Variants in ATOSA observed in about 807,000 individuals in gnomAD.
The protein encoded by ATOSA is atos homolog protein A.
chr15:52,665,005 A>G, the ATOSA span, among the ~76,000 whole-genome samples: 4 of 152,128 alleles, frequency 2.6e-5, no homozygotes, highest in African/African-American at 4.8e-5. Context: ...GAAAAAAACT[A>G]TTGTTCAGAA....
the ATOSA span, chr15:52,656,252 A>C: frequency 6.6e-6 from 1 of 152,114 alleles, no homozygotes; most frequent in Non-Finnish European, 1.5e-5. Flanking sequence ...AAATACAGAA[A>C]TTTATCATAT....
chr15:52,646,993 C>T, the ATOSA span, among the ~76,000 whole-genome samples: 1 of 152,106 alleles, frequency 6.6e-6, no homozygotes, highest in East Asian at 1.9e-4. Flanking sequence ...AAAACATATA[C>T]ACCAATGCAA....
the ATOSA span, among the ~76,000 whole-genome samples, chr15:52,612,260 C>T: frequency 9.2e-5 from 14 of 152,140 alleles, no homozygotes; most frequent in African/African-American, 2.4e-4. Flanking sequence ...GCTGGGATTA[C>T]AGGAATGAGC....
At chr15:52,694,124 ATGTG>A in the ATOSA span, among the ~76,000 whole-genome samples, 1 of 150,390 alleles carries the variant, frequency 6.6e-6, no homozygotes, top group Non-Finnish European at 1.5e-5. Flanking sequence ...TCAGCTGAGT[ATGTG>A]TGTGTGTGCG....
At chr15:52,673,277 C>G in the ATOSA span, among the ~76,000 whole-genome samples, 1 of 152,202 alleles carries the variant, frequency 6.6e-6, no homozygotes, top group South Asian at 2.1e-4. Context: ...ACAATACTTA[C>G]CAAATACCTG....
At chr15:52,683,133 C>T in the ATOSA span, among the ~76,000 whole-genome samples, 19 of 152,084 alleles carry the variant, frequency 1.2e-4, no homozygotes, top group Admixed American at 1.0e-3. Context: ...TGGAGGTCTC[C>T]GACCCACCAA....
chr15:52,699,831 G>T, the ATOSA span, among the ~76,000 whole-genome samples: 1 of 152,142 alleles, frequency 6.6e-6, no homozygotes, highest in Admixed American at 6.5e-5. Context: ...AGTGTTTGAG[G>T]AAATCTGAAG....
the ATOSA span, among the ~76,000 whole-genome samples, chr15:52,685,669 A>G: frequency 1.7e-4 from 26 of 151,914 alleles, no homozygotes; most frequent in Admixed American, 1.0e-3. Context: ...GCTGGGCTCA[A>G]GTGATCTGCC....
chr15:52,662,578 G>A, the ATOSA span, among the ~76,000 whole-genome samples: 1 of 152,078 alleles, frequency 6.6e-6, no homozygotes, highest in Non-Finnish European at 1.5e-5. Flanking sequence ...AGACCATCCT[G>A]GCTAACACAG....
the ATOSA span, among the ~76,000 whole-genome samples, chr15:52,698,542 A>G: frequency 1.3e-5 from 2 of 152,260 alleles, no homozygotes; most frequent in African/African-American, 4.8e-5. Context: ...AATATTGCAC[A>G]TTAAAAAATA....
chr15:52,625,378 ATTT>A, the ATOSA span, among the ~76,000 whole-genome samples: 5 of 152,120 alleles, frequency 3.3e-5, no homozygotes, highest in Admixed American at 1.3e-4. Flanking sequence ...GTACACTATT[ATTT>A]TATTATTAGT....
At chr15:52,586,920 T>A in the ATOSA span, 6 of 657,734 alleles carry the variant, frequency 9.1e-6, no homozygotes, top group East Asian at 2.2e-4. Context: ...TTATGCAAAC[T>A]GTCATATGCT....
the ATOSA span, among the ~76,000 whole-genome samples, chr15:52,636,318 C>G: frequency 3.3e-5 from 5 of 151,822 alleles, no homozygotes; most frequent in African/African-American, 9.7e-5. Flanking sequence ...ATTGCACCAC[C>G]CTTTACTCTG....
At chr15:52,612,384 G>A in the ATOSA span, among the ~76,000 whole-genome samples, 1 of 152,154 alleles carries the variant, frequency 6.6e-6, no homozygotes, top group Non-Finnish European at 1.5e-5. Context: ...AGGCCTCTGA[G>A]TTGGCCCAGC....
the ATOSA span, among the ~76,000 whole-genome samples, chr15:52,673,597 G>T: frequency 6.6e-6 from 1 of 152,206 alleles, no homozygotes; most frequent in African/African-American, 2.4e-5. Flanking sequence ...ACAAGTATTA[G>T]CTGTTGCTAC....
At chr15:52,690,410 G>A in the ATOSA span, among the ~76,000 whole-genome samples, 13 of 152,130 alleles carry the variant, frequency 8.5e-5, no homozygotes, top group African/African-American at 1.2e-4. Flanking sequence ...GTTTGCTTTC[G>A]TTTTAAATAT....
chr15:52,628,521 A>T, the ATOSA span, among the ~76,000 whole-genome samples: 2 of 152,198 alleles, frequency 1.3e-5, no homozygotes, highest in Non-Finnish European at 2.9e-5. Context: ...ATACTGCAAA[A>T]TGTAAAACAG....
chr15:52,700,492 C>T, the ATOSA span, among the ~76,000 whole-genome samples: 1 of 152,014 alleles, frequency 6.6e-6, no homozygotes, highest in African/African-American at 2.4e-5. Context: ...GGATCCAAGA[C>T]CACTTCAAAA....
At chr15:52,676,422 G>T in the ATOSA span, among the ~76,000 whole-genome samples, 1 of 151,950 alleles carries the variant, frequency 6.6e-6, no homozygotes, top group Admixed American at 6.6e-5. Context: ...ATTACATTGC[G>T]CACAGTAAGG....
Sources: gnomAD v4.1 joint callset for allele counts (sites outside exome capture counted in the v4.1 genomes callset) on GRCh38, gnomAD v4.1.1 for gene constraint, MANE v1.5 for transcripts, NCBI Gene and HGNC (gene_info 2026-07-23, HGNC 2026-07-21) for gene names.